The following USH2A variants were observed in gnomAD, a reference collection of about 807,000 sequenced individuals.
USH2A encodes usherin.
In USH2A, 443 loss-of-function variants were observed where a neutral mutation model predicts 538.9. The observed-to-expected ratio is 0.82, with a 90% CI of 0.76 to 0.89. The LOEUF is 0.89. USH2A is among the 40% of genes least tolerant of loss of function. USH2A has a pLI of 0.00. For synonymous variants in USH2A, 2,413 were observed against 2,273.5 expected (o/e 1.06, Z -1.75); for missense variants, 6,633 against 6,324.8 (o/e 1.05, Z -1.65).
intron 30 of USH2A, among the ~76,000 whole-genome samples, chr1:216,052,539 C>T (rs981944772): frequency 2.0e-5 from 3 of 152,088 alleles, no homozygotes; most frequent in African/African-American, 7.2e-5. Context: ...TCTTGTTCAT[C>T]ATGCTGTGTG....
At chr1:215,668,336 TAC>T (rs2102658921) in intron 64 of USH2A, among the ~76,000 whole-genome samples, 1 of 152,336 alleles carries the variant, frequency 6.6e-6, no homozygotes, top group South Asian at 2.1e-4. Context: ...ACTCAATATT[TAC>T]ACAGGCTAAA....
At chr1:216,356,834 G>A (rs1175176920) in intron 4 of USH2A, among the ~76,000 whole-genome samples, 1 of 152,096 alleles carries the variant, frequency 6.6e-6, no homozygotes, top group Admixed American at 6.6e-5. Context: ...TGTCCTGGAA[G>A]TAGAAATCTT....
chr1:216,085,780 G>T (rs1396594401), intron 24 of USH2A, among the ~76,000 whole-genome samples: 8 of 151,418 alleles, frequency 5.3e-5, no homozygotes, highest in Admixed American at 1.3e-4. Context: ...TCAGTCTCAA[G>T]TAGTTGAATG....
At chr1:215,967,791 TA>T (rs1667389726) in intron 36 of USH2A, among the ~76,000 whole-genome samples, 2 of 152,090 alleles carry the variant, frequency 1.3e-5, no homozygotes, top group Admixed American at 1.3e-4. Flanking sequence ...TGTACATGTG[TA>T]TTTATCCAGG....
At chr1:216,096,749 G>A (rs187040980) in intron 22 of USH2A, among the ~76,000 whole-genome samples, 4 of 152,200 alleles carry the variant, frequency 2.6e-5, no homozygotes, top group Admixed American at 2.6e-4. Flanking sequence ...AAGAAAAGGG[G>A]ACATGATTTT....
At chr1:216,015,038 G>A (rs937594491) in intron 32 of USH2A, among the ~76,000 whole-genome samples, 19 of 152,024 alleles carry the variant, frequency 1.2e-4, no homozygotes, top group African/African-American at 2.9e-4. Flanking sequence ...GTCTTCTTCC[G>A]AAAACTTCTT....
chr1:216,125,998 G>C (rs1299990847), intron 21 of USH2A, among the ~76,000 whole-genome samples: 2 of 152,124 alleles, frequency 1.3e-5, no homozygotes, highest in African/African-American at 4.8e-5. Context: ...TGTAACTTTG[G>C]AAATTTACAT....
intron 26 of USH2A, among the ~76,000 whole-genome samples, chr1:216,082,406 G>C (rs1196700349): frequency 6.7e-6 from 1 of 149,782 alleles, no homozygotes; most frequent in Non-Finnish European, 1.5e-5. Flanking sequence ...TACTATGAAG[G>C]GATAAATTTC....
At chr1:216,153,338 C>T (rs578016067) in intron 21 of USH2A, among the ~76,000 whole-genome samples, 12 of 152,260 alleles carry the variant, frequency 7.9e-5, no homozygotes, top group African/African-American at 2.9e-4. Context: ...GGGACTGGAG[C>T]CCAAAAGTTC....
At chr1:215,890,109 C>T (rs1665171110) in intron 40 of USH2A, among the ~76,000 whole-genome samples, 1 of 152,166 alleles carries the variant, frequency 6.6e-6, no homozygotes, top group Admixed American at 6.5e-5. Flanking sequence ...AATTCCAGAA[C>T]ATTTAGCATT....
At chr1:216,177,023 T>G (rs2034400313) in intron 20 of USH2A, among the ~76,000 whole-genome samples, 1 of 152,190 alleles carries the variant, frequency 6.6e-6, no homozygotes, top group African/African-American at 2.4e-5. Flanking sequence ...CATATATATG[T>G]GTACATCTAA....
Position 215,758,581 on chromosome 1 carries a change from T to G in USH2A, c.11389+14A>C. Reference sequence around the variant, plus strand: ...GTTTACACACACACACACATACTTCTTTTTTTTTTTTACCTGGTGGTATCC... The same window carrying G: ...GTTTACACACACACACACATACTTCGTTTTTTTTTTTACCTGGTGGTATCC... On this transcript the variant is annotated intron_variant, in intron 58 of 71. Coordinates refer to ENST00000307340, the MANE Select transcript of USH2A (RefSeq NM_206933.4). 2.3e-6 allele frequency: 1 copy of G among 435,396 alleles called. No homozygotes were observed. Among genetic ancestry groups the G allele is most frequent in the Non-Finnish European group, 3.3e-6 (1 of 301,504 alleles). The allele number at this position is 435,396 out of a possible 1,614,324, so 27.0% of individuals were successfully genotyped here.
At chr1:215,835,423 A>C (rs1001240412) in intron 47 of USH2A, among the ~76,000 whole-genome samples, 5 of 152,094 alleles carry the variant, frequency 3.3e-5, no homozygotes, top group Non-Finnish European at 5.9e-5. Flanking sequence ...TTAGCCAAAA[A>C]GCCCACCATT....
At chr1:216,153,324 C>T (rs1445922852) in intron 21 of USH2A, among the ~76,000 whole-genome samples, 1 of 152,178 alleles carries the variant, frequency 6.6e-6, no homozygotes, top group African/African-American at 2.4e-5. Flanking sequence ...CTAGATACTA[C>T]CATGGGACTG....
chr1:216,292,430 T>G, intron 9 of USH2A, 60 bp from the exon 10 acceptor site: 1 of 1,564,592 alleles, frequency 6.4e-7, no homozygotes, highest in Admixed American at 1.8e-5. Context: ...TTTCATTTTA[T>G]TGATATGTTA....
At chr1:216,040,189 T>C (rs1483340575) in intron 32 of USH2A, among the ~76,000 whole-genome samples, 2 of 152,000 alleles carry the variant, frequency 1.3e-5, no homozygotes, top group Non-Finnish European at 2.9e-5. Flanking sequence ...ACACTATCTA[T>C]GGTTCTAGAT....
At chr1:215,759,506 A>G (rs1660915940) in intron 57 of USH2A, among the ~76,000 whole-genome samples, 154 bp downstream of exon 57, 1 of 152,168 alleles carries the variant, frequency 6.6e-6, no homozygotes, top group Non-Finnish European at 1.5e-5. Flanking sequence ...CTAAAGACTG[A>G]ATGATTTAGC....
chr1:215,630,515 TATATATATATATGA>T (rs1656241255), intron 70 of USH2A, among the ~76,000 whole-genome samples: 4 of 102,112 alleles, frequency 3.9e-5, no homozygotes, highest in African/African-American at 9.1e-5. Context: ...TATATATATA[TATATATATATATGA>T]GAGAGAGAAA....
chr1:216,343,366 C>A, intron 4 of USH2A, among the ~76,000 whole-genome samples: 1 of 126,900 alleles, frequency 7.9e-6, no homozygotes, highest in African/African-American at 3.3e-5. Context: ...TAAGAACCAT[C>A]TCTACAAAAA....
Sources: allele counts gnomAD v4.1 joint callset (sites outside exome capture counted in the v4.1 genomes callset), GRCh38; gene constraint gnomAD v4.1.1; transcripts MANE v1.5; gene names NCBI Gene and HGNC (gene_info 2026-07-23, HGNC 2026-07-21).